MYOM2: variants seen among roughly 807,000 people sequenced by gnomAD.
MYOM2 encodes the protein myomesin 2, also known as myomesin-2.
In MYOM2, 254 loss-of-function variants were observed where a neutral mutation model predicts 187.6. That is an observed-to-expected ratio of 1.35 (90% CI 1.22 to 1.50). MYOM2 has a LOEUF of 1.50. Ranked by LOEUF, MYOM2 falls within the 40% of genes most tolerant of loss-of-function variation. MYOM2 has a pLI of 0.00. For missense variants in MYOM2, 2,796 were observed against 1,924.0 expected, an observed-to-expected ratio of 1.45 and a Z score of -8.48; for synonymous variants, 981 against 753.8, an observed-to-expected ratio of 1.30 and a Z score of -4.94.
intron 2 of MYOM2, among the ~76,000 whole-genome samples, chr8:2,051,784 GGGCACACAGGGACACA>G (rs1818498304): frequency 6.6e-6 from 1 of 152,204 alleles, no homozygotes; most frequent in Non-Finnish European, 1.5e-5. Context: ...GTATGGGTGT[GGGCACACAGGGACACA>G]GGCTTGGGTT....
chr8:2,143,330 G>A (rs1798343931), intron 35 of MYOM2, 71 bp from the exon 36 acceptor site: 3 of 1,571,692 alleles, frequency 1.9e-6, no homozygotes, highest in Non-Finnish European at 2.6e-6. Flanking sequence ...ACCCACTGCT[G>A]CTTACATGGC....
intron 6 of MYOM2, among the ~76,000 whole-genome samples, chr8:2,064,645 G>T (rs560279783): frequency 6.6e-6 from 1 of 152,310 alleles, no homozygotes; most frequent in South Asian, 2.1e-4. Flanking sequence ...GTGCTAATGC[G>T]CGAGGTTGCA....
intron 31 of MYOM2, among the ~76,000 whole-genome samples, chr8:2,127,226 G>C (rs1267518069): frequency 6.6e-6 from 1 of 152,050 alleles, no homozygotes; most frequent in Non-Finnish European, 1.5e-5. Context: ...TCCTTGAAGG[G>C]TGAACTCCTG....
rs1168434846 is a variant in MYOM2, at chr8:2,132,769, T to G, written c.3800+3537T>G. Among the ~76,000 whole-genome samples the G allele has an allele frequency of 5.3e-5, 8 of 152,244 alleles. No homozygotes were observed. The East Asian group carries it at 1.5e-3, about 29-fold the overall frequency. ...AGAAGTGCATGCTTCAAACTCCAAA[T>G]GTGTATTTTAATTCATTTCAGGAGA... On this transcript the variant is annotated intron_variant, in intron 32 of 36. Coordinates refer to ENST00000262113, the MANE Select transcript of MYOM2 (RefSeq NM_003970.4).
intron 1 of MYOM2, among the ~76,000 whole-genome samples, chr8:2,046,180 C>T (rs1818305514): frequency 6.6e-6 from 1 of 152,188 alleles, no homozygotes; most frequent in South Asian, 2.1e-4. Context: ...CAATTTCCTT[C>T]ATTAAGTGGA....
At chr8:2,118,211 C>T (rs1797311659) in intron 28 of MYOM2, among the ~76,000 whole-genome samples, 1 of 152,032 alleles carries the variant, frequency 6.6e-6, no homozygotes, top group South Asian at 2.1e-4. Context: ...AAAAATTTTA[C>T]TTAAACGATT....
intron 11 of MYOM2, among the ~76,000 whole-genome samples, chr8:2,077,321 A>G (rs1193238097): frequency 6.6e-6 from 1 of 152,162 alleles, no homozygotes; most frequent in African/African-American, 2.4e-5. Flanking sequence ...AAAAAAACAA[A>G]ACAAAACAAA....
chr8:2,143,545 A>T, intron 36 of MYOM2, 89 bp downstream of exon 36: 7 of 1,504,150 alleles, frequency 4.7e-6, no homozygotes, highest in Non-Finnish European at 9.2e-7. Context: ...GAGGGAACCC[A>T]GTGAGGGGCT....
At position 2,085,465 on chromosome 8, in the gene MYOM2, A is replaced by T. The variant is rs775719869; in HGVS notation, c.1644+75A>T. On this transcript the variant is annotated intron_variant, in intron 14 of 36. Transcript: ENST00000262113. ...CACTGTCATGATCTCTGCGTGGCCC[A>T]CCGCTGTCGTGATCTCCGCGTGGCC... is the stretch of plus-strand genomic sequence containing the variant. 6.2e-5 allele frequency: 90 copies of T among 1,440,894 alleles called. 3 individuals carry two copies. The African/African-American group carries it at 7.5e-4, about 12-fold the overall frequency. The allele number at this position is 1,440,894 out of a possible 1,614,324, so 89.3% of individuals were successfully genotyped here. A position where few individuals can be genotyped will look rare whatever the true frequency, so the allele number is the denominator to read the frequency against.
intron 18 of MYOM2, among the ~76,000 whole-genome samples, chr8:2,097,435 A>C (rs1205231555): frequency 6.6e-6 from 1 of 152,212 alleles, no homozygotes; most frequent in Middle Eastern, 3.2e-3. Context: ...GGAATGATTA[A>C]ATCAAGCCAA....
At chr8:2,098,364 A>T (rs1290557067) in intron 18 of MYOM2, among the ~76,000 whole-genome samples, 1 of 152,052 alleles carries the variant, frequency 6.6e-6, no homozygotes, top group Non-Finnish European at 1.5e-5. Context: ...CACCCCAGGG[A>T]CATGGGCAGC....
Position 2,116,489 on chromosome 8 carries a change from C to T in MYOM2, c.3385+214C>T, listed in dbSNP as rs375012255. Among the ~76,000 whole-genome samples, 7 of 152,188 alleles carry T rather than the reference C, an allele frequency of 4.6e-5. No homozygotes were observed. In the East Asian group the frequency reaches 7.8e-4, roughly 17 times the overall value. ...CGTGCCTCTAGCTTTAATGTCCAGA[C>T]GGAGTCCAGCAATTTTAATGAAAAG... On this transcript the variant is annotated intron_variant, in intron 27 of 36. Coordinates refer to ENST00000262113, the MANE Select transcript of MYOM2 (RefSeq NM_003970.4).
intron 11 of MYOM2, among the ~76,000 whole-genome samples, chr8:2,078,371 G>C (rs915301386): frequency 6.6e-6 from 1 of 152,194 alleles, no homozygotes; most frequent in Non-Finnish European, 1.5e-5. Flanking sequence ...TAGGGGTGCC[G>C]TGACTATGTC....
chr8:2,130,731 G>A (rs984555139), intron 32 of MYOM2, among the ~76,000 whole-genome samples: 42 of 152,104 alleles, frequency 2.8e-4, no homozygotes, highest in Admixed American at 2.0e-4. Flanking sequence ...CCATGTTAAG[G>A]GATTTGTTAG....
chr8:2,100,475 G>C (rs1222459504), intron 19 of MYOM2: 1 of 225,292 alleles, frequency 4.4e-6, no homozygotes, highest in East Asian at 1.0e-4. Context: ...AGAGGACAGG[G>C]CTGCAGTGAT....
intron 28 of MYOM2, among the ~76,000 whole-genome samples, chr8:2,119,639 G>C (rs1194496148): frequency 1.3e-5 from 2 of 152,194 alleles, no homozygotes; most frequent in Admixed American, 6.5e-5. Context: ...GAGGTGCTCA[G>C]CTGGCAGTGA....
chr8:2,123,440 T>C (rs1219266353), intron 29 of MYOM2, 75 bp downstream of exon 29: 1 of 1,468,664 alleles, frequency 6.8e-7, no homozygotes, highest in Non-Finnish European at 9.5e-7. Context: ...TCTACAATCC[T>C]CTAATTTGCA....
chr8:2,098,332 G>A (rs1193602562), intron 18 of MYOM2, among the ~76,000 whole-genome samples: 2 of 152,126 alleles, frequency 1.3e-5, no homozygotes, highest in East Asian at 3.9e-4. Context: ...CTGAGGGCCC[G>A]GTGGGTGGCC....
At chr8:2,123,724 G>GTCTA in intron 30 of MYOM2, 82 bp downstream of exon 30, 1 of 1,205,944 alleles carries the variant, frequency 8.3e-7, no homozygotes, top group South Asian at 1.3e-5. Context: ...GCAGGTCTAT[G>GTCTA]TCTAGCCTCA....
Sources: gnomAD v4.1 joint callset for allele counts (sites outside exome capture counted in the v4.1 genomes callset) on GRCh38, gnomAD v4.1.1 for gene constraint, MANE v1.5 for transcripts, NCBI Gene and HGNC (gene_info 2026-07-23, HGNC 2026-07-21) for gene names.